GLIS3: variants seen among roughly 807,000 people sequenced by gnomAD.
GLIS3 encodes the protein GLIS family zinc finger 3.
Under a neutral mutation model 78.6 loss-of-function variants are expected in GLIS3, and 53 were observed. That is an observed-to-expected ratio of 0.67 (90% CI 0.54 to 0.85). The LOEUF (loss-of-function observed/expected upper bound fraction) is 0.85, where lower values mean the gene tolerates loss of function less well. Among genes scored for constraint, GLIS3 ranks in the 40% least tolerant of loss-of-function variants. GLIS3 has a pLI of 0.00. For synonymous variants in GLIS3, 684 were observed against 509.9 expected (o/e 1.34, Z -4.60); for missense variants, 1,703 against 1,231.1 (o/e 1.38, Z -5.74).
At chr9:3,949,822 T>C (rs145147014) in intron 4 of GLIS3, among the ~76,000 whole-genome samples, 1 of 152,210 alleles carries the variant, frequency 6.6e-6, no homozygotes, top group East Asian at 1.9e-4. Context: ...AAGAGAAAAA[T>C]AGTTCATTTT....
chr9:4,442,522 G>C, the GLIS3 span, among the ~76,000 whole-genome samples: 2 of 151,950 alleles, frequency 1.3e-5, no homozygotes, highest in African/African-American at 4.8e-5. Context: ...GGGAAACACT[G>C]CTCTATTTTC....
chr9:4,285,652 T>A lies in GLIS3; in HGVS notation c.388+386A>T, dbSNP rs1012380888. 32 of 202,782 alleles carry A rather than the reference T, an allele frequency of 1.6e-4. 1 individual carries two copies. Among genetic ancestry groups the A allele is most frequent in the African/African-American group, 7.0e-4 (31 of 44,402 alleles). 12.6% of individuals were successfully genotyped at this position (202,782 alleles called of 1,614,324 possible). On this transcript the variant is annotated intron_variant, in intron 2 of 10. Transcript: ENST00000381971. ...CTGGCATAAGGACAGTTCCAGTCGGTCTTCTTGTCCATGGCCTGGAGAATT... is the reference window on the plus strand; with the variant it reads ...CTGGCATAAGGACAGTTCCAGTCGGACTTCTTGTCCATGGCCTGGAGAATT...
chr9:3,884,084 CAT>C (rs1193079515), intron 7 of GLIS3, among the ~76,000 whole-genome samples: 1 of 152,242 alleles, frequency 6.6e-6, no homozygotes, highest in African/African-American at 2.4e-5. Flanking sequence ...GATGCCATCT[CAT>C]AGGCTACCAG....
intron 8 of GLIS3, among the ~76,000 whole-genome samples, chr9:3,868,034 A>G (rs949206415): frequency 6.6e-6 from 1 of 152,208 alleles, no homozygotes; most frequent in Non-Finnish European, 1.5e-5. Flanking sequence ...GCTGATAAAA[A>G]TGGTTATTTG....
chr9:3,994,919 A>T (rs776368913), intron 4 of GLIS3, among the ~76,000 whole-genome samples: 5 of 152,234 alleles, frequency 3.3e-5, no homozygotes, highest in Non-Finnish European at 5.9e-5. Flanking sequence ...GCAAGCAAAC[A>T]AAAAGCCCAG....
the GLIS3 span, among the ~76,000 whole-genome samples, chr9:4,422,586 G>A: frequency 6.6e-6 from 1 of 152,288 alleles, no homozygotes; most frequent in South Asian, 2.1e-4. Context: ...TATCTCTCCT[G>A]TGCTAGGTCC....
At chr9:4,428,469 G>A in the GLIS3 span, among the ~76,000 whole-genome samples, 2 of 125,540 alleles carry the variant, frequency 1.6e-5, no homozygotes, top group South Asian at 6.0e-4. Flanking sequence ...GGGTGACAGA[G>A]TGAGACTCTG....
intron 2 of GLIS3, among the ~76,000 whole-genome samples, chr9:4,155,256 C>G (rs1834966723): frequency 6.6e-6 from 1 of 152,174 alleles, no homozygotes; most frequent in East Asian, 1.9e-4. Context: ...TACTGGATCA[C>G]TGCCAAAAGA....
rs149405898 is a variant in GLIS3 at position 4,074,569 on chromosome 9, T to C, written c.1710+43199A>G. ...TTCTACCCAACTGTATTATATTTTC[T>C]TTCTTATGGCTCTATATTTTATAAC... is the stretch of plus-strand genomic sequence containing the variant. On this transcript the variant is annotated intron_variant, in intron 4 of 10. Transcript: ENST00000381971. 6.8e-3 allele frequency among the ~76,000 whole-genome samples: 1,036 copies of C among 152,316 alleles called. 13 individuals are homozygous for C. Among genetic ancestry groups the C allele is most frequent in the African/African-American group, 0.024 (978 of 41,564 alleles).
At chr9:3,953,863 A>T (rs1452964084) in intron 4 of GLIS3, among the ~76,000 whole-genome samples, 2 of 146,764 alleles carry the variant, frequency 1.4e-5, no homozygotes, top group African/African-American at 5.0e-5. Context: ...TCACACACAC[A>T]AACACATGCA....
At chr9:4,148,398 G>C (rs150983823) in intron 2 of GLIS3, among the ~76,000 whole-genome samples, 1 of 152,148 alleles carries the variant, frequency 6.6e-6, no homozygotes, top group Non-Finnish European at 1.5e-5. Context: ...CATCCTCAAA[G>C]ATCAGCTCAA....
the GLIS3 span, among the ~76,000 whole-genome samples, chr9:4,461,912 G>C: frequency 1.3e-5 from 2 of 152,178 alleles, no homozygotes; most frequent in African/African-American, 2.4e-5. Context: ...CTTAATCTGA[G>C]AATGAGAAAG....
chr9:4,443,579 A>C, the GLIS3 span, among the ~76,000 whole-genome samples: 3 of 152,256 alleles, frequency 2.0e-5, no homozygotes, highest in Non-Finnish European at 2.9e-5. Context: ...AGCAGGAAGC[A>C]ATGATGGAAG....
chr9:4,239,333 A>G (rs181371135), intron 2 of GLIS3, among the ~76,000 whole-genome samples: 1 of 152,116 alleles, frequency 6.6e-6, no homozygotes, highest in African/African-American at 2.4e-5. Context: ...AAAAAAACCA[A>G]AAAAAATGTT....
chr9:4,147,664 T>TCC (rs34410048), intron 2 of GLIS3: 3 of 151,734 alleles, frequency 2.0e-5, no homozygotes, highest in African/African-American at 4.8e-5. Flanking sequence ...AAACAATGAC[T>TCC]CCCTTCAAGG....
the GLIS3 span, among the ~76,000 whole-genome samples, chr9:4,466,160 G>C: frequency 1.3e-5 from 2 of 152,092 alleles, no homozygotes; most frequent in African/African-American, 2.4e-5. Flanking sequence ...AAAGATACAA[G>C]GGTATATAAT....
chr9:4,238,510 C>G (rs1822992502), intron 2 of GLIS3, among the ~76,000 whole-genome samples: 1 of 152,148 alleles, frequency 6.6e-6, no homozygotes, highest in South Asian at 2.1e-4. Flanking sequence ...AAATATGCCC[C>G]CAACTTACAG....
intron 2 of GLIS3, among the ~76,000 whole-genome samples, chr9:4,277,582 C>G (rs1310927735): frequency 6.6e-6 from 1 of 151,784 alleles, no homozygotes; most frequent in African/African-American, 2.4e-5. Flanking sequence ...TTTGTCTGAC[C>G]AACAATAATG....
At chr9:4,050,537 G>GTA (rs1231634304) in intron 4 of GLIS3, among the ~76,000 whole-genome samples, 2 of 152,070 alleles carry the variant, frequency 1.3e-5, no homozygotes, top group African/African-American at 4.8e-5. Context: ...CATGGCACAT[G>GTA]TATACCCATG....
Sources: allele counts gnomAD v4.1 joint callset (sites outside exome capture counted in the v4.1 genomes callset), GRCh38; gene constraint gnomAD v4.1.1; transcripts MANE v1.5; gene names NCBI Gene and HGNC (gene_info 2026-07-23, HGNC 2026-07-21).